SLC6A3: variants seen among roughly 807,000 people sequenced by gnomAD.
SLC6A3 encodes solute carrier family 6 member 3.
Under a neutral mutation model 70.4 loss-of-function variants are expected in SLC6A3, and 19 were observed. The observed-to-expected ratio is 0.27, with a 90% CI of 0.19 to 0.40. The LOEUF (loss-of-function observed/expected upper bound fraction) is 0.40. SLC6A3 is among the 10% of genes least tolerant of loss of function. SLC6A3 has a pLI of 1.00. For synonymous variants in SLC6A3, 368 were observed against 356.6 expected (o/e 1.03, Z -0.36); for missense variants, 613 against 838.5 (o/e 0.73, Z 3.32).
chr5:1,426,980 A>G (rs1165877987), intron 4 of SLC6A3, among the ~76,000 whole-genome samples: 6 of 152,218 alleles, frequency 3.9e-5, no homozygotes, highest in Non-Finnish European at 8.8e-5. Flanking sequence ...CCAAGAAGGC[A>G]AAATACTTTT....
In SLC6A3 at chr5:1,411,313, G is replaced by A. The variant is rs776553647; in HGVS notation, c.1199C>T (p.Thr400Met). 5 of 1,554,056 alleles carry A rather than the reference G, an allele frequency of 3.2e-6. No individual in the cohort carries two copies. The highest frequency in any genetic ancestry group is 4.4e-6 in the Non-Finnish European group (5 of 1,148,720). Residue 400 changes from threonine to methionine, a missense_variant, in exon 9 of 15, where the codon ACG (threonine) becomes ATG (methionine). By Grantham distance (81) the Thr-to-Met change is moderately conservative. Transcript: ENST00000270349. This position sits in a 1 kb window ranked among gnomAD's most constrained non-coding sequence, Gnocchi z 6.5. ...GGCCCAGGCTGAGGACAGAGGGAGC[G>A]TGGCGATGGCTTCCGGGTAGATGAT... ...IFIIYPEAIA[T>M]LPLSSAWAVV...
chr5:1,409,106 G>A lies in SLC6A3; in HGVS notation c.1418C>T (p.Thr473Met), dbSNP rs754889013. 1.9e-6 allele frequency: 3 copies of A among 1,611,534 alleles called. No homozygotes were observed. The highest frequency in any genetic ancestry group is 2.5e-6 in the Non-Finnish European group (3 of 1,179,170). ...GCCGGCTGCAAAATGGTCCAGGAGC[G>A]TGAAGACGTAGATGCCACCCTGGAA... is the stretch of plus-strand genomic sequence containing the variant. ...CVTNGGIYVF[T>M]LLDHFAAGTS... Residue 473 changes from threonine (T) to methionine (M), a missense_variant, in exon 11 of 15, where the codon ACG becomes ATG. Thr to Met is a moderately conservative substitution (Grantham distance 81). Coordinates refer to ENST00000270349, the MANE Select transcript of SLC6A3 (RefSeq NM_001044.5).
In SLC6A3 at chr5:1,438,366, A is replaced by G. The variant is rs906126578; in HGVS notation, c.418+2993T>C. 3.3e-5 allele frequency among the ~76,000 whole-genome samples: 5 copies of G among 152,132 alleles called. No homozygotes were observed. The highest frequency in any genetic ancestry group is 1.2e-4 in the African/African-American group (5 of 41,432). On this transcript the variant is annotated intron_variant, in intron 3 of 14. Coordinates refer to ENST00000270349, the MANE Select transcript of SLC6A3 (RefSeq NM_001044.5). This position sits in a 1 kb window ranked among gnomAD's most constrained non-coding sequence, Gnocchi z 6.5. ...GGATTGTGGGCACAGGGTCTGTGAC[A>G]CAGAGGAGACGACTGCCCAGCTTAC...
chr5:1,394,532 C>T lies in SLC6A3; in HGVS notation c.*203G>A, dbSNP rs186189880. 7 of 678,660 alleles carry T rather than the reference C, an allele frequency of 1.0e-5. 1 individual carries two copies. The Admixed American group carries it at 1.5e-4, about 14-fold the overall frequency. The allele number at this position is 678,660 out of a possible 1,614,324, so 42.0% of individuals were successfully genotyped here. On this transcript the variant is annotated 3_prime_UTR_variant, in exon 15 of 15. Transcript: ENST00000270349. This position sits in a 1 kb window ranked among gnomAD's most constrained non-coding sequence, Gnocchi z 4.7. ...CAGATCTACGTCGTTATTACAGCAA[C>T]ACAAGACACGGCGAGGTGCGCTCCC... is the stretch of plus-strand genomic sequence containing the variant.
At chr5:1,423,179 T>C (rs1756496543) in intron 4 of SLC6A3, among the ~76,000 whole-genome samples, 1 of 98,264 alleles carries the variant, frequency 1.0e-5, no homozygotes, top group Non-Finnish European at 2.0e-5. Context: ...CGCTGCTGGG[T>C]ACCCACTGCT....
rs1386509905 is a variant in SLC6A3, at chr5:1,411,211, G to A, written c.1269+32C>T. On this transcript the variant is annotated intron_variant, in intron 9 of 14. Transcript: ENST00000270349. This position sits in a 1 kb window ranked among gnomAD's most constrained non-coding sequence, Gnocchi z 6.5. ...CTCGGGTGGAAGGAACCCAACTGCC[G>A]AGGACAGGGCCGGGCGGTGCGGGTT... 7.5e-6 allele frequency: 11 copies of A among 1,469,076 alleles called. No individual in the cohort carries two copies. Among genetic ancestry groups the A allele is most frequent in the Admixed American group, 5.9e-5 (3 of 50,910 alleles). 91.0% of individuals were successfully genotyped at this position (1,469,076 alleles called of 1,614,324 possible). A position where few individuals can be genotyped will look rare whatever the true frequency, so the allele number is the denominator to read the frequency against.
In SLC6A3 at chr5:1,411,619, G is replaced by C. The variant is rs1756128938; in HGVS notation, c.1157-264C>G. On this transcript the variant is annotated intron_variant, in intron 8 of 14. Coordinates refer to ENST00000270349, the MANE Select transcript of SLC6A3 (RefSeq NM_001044.5). The surrounding 1 kb of genome is among the most constrained non-coding windows in gnomAD (Gnocchi z 6.5). The stretch of plus-strand genomic sequence containing the variant: ...CCTCCAAATTACCTGGGTCCTTTTG[G>C]GCTATGGGGGTGCTTGGGGAAGGAA... Among the ~76,000 whole-genome samples the C allele has an allele frequency of 6.6e-6, 1 of 152,226 alleles. No individual in the cohort carries two copies. Among genetic ancestry groups the C allele is most frequent in the Non-Finnish European group, 1.5e-5 (1 of 68,050 alleles).
chr5:1,430,549 C>G (rs948247688), intron 4 of SLC6A3, among the ~76,000 whole-genome samples: 1 of 152,230 alleles, frequency 6.6e-6, no homozygotes, highest in African/African-American at 2.4e-5. Flanking sequence ...ATCAGCCCTA[C>G]TTTCTCCAAG....
At chr5:1,412,927 G>T (rs973213761) in intron 8 of SLC6A3, among the ~76,000 whole-genome samples, 6 of 152,234 alleles carry the variant, frequency 3.9e-5, no homozygotes, top group Non-Finnish European at 8.8e-5. Flanking sequence ...GGGGAGGCAG[G>T]CTCGCCTGAG....
intron 6 of SLC6A3, 125 bp downstream of exon 6, chr5:1,420,444 T>C: frequency 2.7e-6 from 3 of 1,120,296 alleles, no homozygotes; most frequent in Non-Finnish European, 4.1e-6. Context: ...GGATTTGGCT[T>C]CCCGAGGAAA....
At position 1,396,782 on chromosome 5, in the gene SLC6A3, A is replaced by T. The variant is rs1221926196; in HGVS notation, c.1840-2024T>A. 6.6e-6 allele frequency among the ~76,000 whole-genome samples: 1 copy of T among 152,222 alleles called. No homozygotes were observed. Among genetic ancestry groups the T allele is most frequent in the Admixed American group, 6.5e-5 (1 of 15,290 alleles). On this transcript the variant is annotated intron_variant, in intron 14 of 14. Coordinates refer to ENST00000270349, the MANE Select transcript of SLC6A3 (RefSeq NM_001044.5). This position sits in a 1 kb window ranked among gnomAD's most constrained non-coding sequence, Gnocchi z 7.0. ...TCTCGGGGATCTGCATGGGGTGTGC[A>T]TAAGGTCTTGCTTCAGTAGGGGTTG...
At position 1,411,465 on chromosome 5, in the gene SLC6A3, G is replaced by C. The variant is rs1307279223; in HGVS notation, c.1157-110C>G. ...GCCTGCCACAGGCCTGTAGAGACTAGGGCTGGTGCGGCTCTGCTGAAAAGC... is the reference window on the plus strand; with the variant it reads ...GCCTGCCACAGGCCTGTAGAGACTACGGCTGGTGCGGCTCTGCTGAAAAGC... On this transcript the variant is annotated intron_variant, in intron 8 of 14. Coordinates refer to ENST00000270349, the MANE Select transcript of SLC6A3 (RefSeq NM_001044.5). The surrounding 1 kb of genome is among the most constrained non-coding windows in gnomAD (Gnocchi z 6.5). The C allele has an allele frequency of 9.9e-6, 8 of 805,188 alleles. No individual in the cohort carries two copies. Among genetic ancestry groups the C allele is most frequent in the Admixed American group, 6.0e-5 (3 of 50,014 alleles). 49.9% of individuals were successfully genotyped at this position (805,188 alleles called of 1,614,324 possible).
chr5:1,406,159 G>A lies in SLC6A3; in HGVS notation c.1599+29C>T. On this transcript the variant is annotated intron_variant, in intron 12 of 14. Transcript: ENST00000270349. The surrounding 1 kb of genome is among the most constrained non-coding windows in gnomAD (Gnocchi z 8.8). ...AGAGTGGGGGCAGTGGGCAGACGGG[G>A]GAAGGGCAGGTGGCCCGAGGTCCCT... is the stretch of plus-strand genomic sequence containing the variant. 2 of 1,532,088 alleles carry A rather than the reference G, an allele frequency of 1.3e-6. No homozygotes were observed. The highest frequency in any genetic ancestry group is 2.2e-5 in the East Asian group (1 of 44,504). The allele number at this position is 1,532,088 out of a possible 1,614,324, so 94.9% of individuals were successfully genotyped here.
chr5:1,439,507 C>G (rs2963240), intron 3 of SLC6A3, among the ~76,000 whole-genome samples: 3 of 152,334 alleles, frequency 2.0e-5, no homozygotes, highest in Admixed American at 2.0e-4. Context: ...AGCATTTCCA[C>G]GGCTGCGAGA....
In SLC6A3 at chr5:1,406,047, C is replaced by A; in HGVS notation, c.1599+141G>T. 1.4e-6 allele frequency: 1 copy of A among 715,398 alleles called. No individual in the cohort carries two copies. Among genetic ancestry groups the A allele is most frequent in the Non-Finnish European group, 2.6e-6 (1 of 389,394 alleles). 44.3% of individuals were successfully genotyped at this position (715,398 alleles called of 1,614,324 possible). On this transcript the variant is annotated intron_variant, in intron 12 of 14. Coordinates refer to ENST00000270349, the MANE Select transcript of SLC6A3 (RefSeq NM_001044.5). The surrounding 1 kb of genome is among the most constrained non-coding windows in gnomAD (Gnocchi z 8.8). Reference sequence around the variant, plus strand: ...GACTATAGATGAGTTCAGGGATCAGCCTGTCCTTCTGGGCCGAGTCTTGAG... The same window carrying A: ...GACTATAGATGAGTTCAGGGATCAGACTGTCCTTCTGGGCCGAGTCTTGAG...
rs536792756 is a variant in SLC6A3, at chr5:1,421,037, C to T, written c.793-334G>A. 1.5e-4 allele frequency among the ~76,000 whole-genome samples: 23 copies of T among 152,176 alleles called. No individual in the cohort carries two copies. Among genetic ancestry groups the T allele is most frequent in the Non-Finnish European group, 2.4e-4 (16 of 68,026 alleles). ...ACGTGAGTGGATTCACACTGGTGAA[C>T]GGCACTGTGGCACGATGAAGGGCTG... is the stretch of plus-strand genomic sequence containing the variant. On this transcript the variant is annotated intron_variant, in intron 5 of 14. Transcript: ENST00000270349. The surrounding 1 kb of genome is among the most constrained non-coding windows in gnomAD (Gnocchi z 7.2).
At chr5:1,443,829 G>A (rs916005690) in intron 1 of SLC6A3, among the ~76,000 whole-genome samples, 9 of 151,964 alleles carry the variant, frequency 5.9e-5, no homozygotes, top group Admixed American at 2.6e-4. Flanking sequence ...CCACAGCACC[G>A]GCTAAGTTAT....
In SLC6A3 at chr5:1,404,041, T is replaced by C. The variant is rs1189249931; in HGVS notation, c.1600-952A>G. 2.0e-5 allele frequency among the ~76,000 whole-genome samples: 3 copies of C among 152,284 alleles called. No individual in the cohort carries two copies. The highest frequency in any genetic ancestry group is 6.5e-5 in the Admixed American group (1 of 15,294). On this transcript the variant is annotated intron_variant, in intron 12 of 14. Transcript: ENST00000270349. This position sits in a 1 kb window ranked among gnomAD's most constrained non-coding sequence, Gnocchi z 5.2. ...GTGAAGCTCTGATAGATATGGTTTA[T>C]GATGTAGCTTAAAATGCAATTTTTT...
intron 3 of SLC6A3, among the ~76,000 whole-genome samples, chr5:1,433,867 C>T (rs556914850): frequency 6.6e-6 from 1 of 152,152 alleles, no homozygotes; most frequent in Non-Finnish European, 1.5e-5. Flanking sequence ...TCATCCATGG[C>T]TGTCCACAAC....
Sources: gnomAD v4.1 joint callset for allele counts (sites outside exome capture counted in the v4.1 genomes callset) on GRCh38, gnomAD v4.1.1 for gene constraint, Gnocchi (gnomAD v3.1) non-coding constraint, MANE v1.5 for transcripts, NCBI Gene and HGNC (gene_info 2026-07-23, HGNC 2026-07-21) for gene names.